Variants in BANK1 observed in about 807,000 individuals in gnomAD.
BANK1 encodes B-cell scaffold protein with ankyrin repeats.
BANK1 carries 95 observed loss-of-function variants against 94.5 expected under a neutral mutation model. That is an observed-to-expected ratio of 1.00 (90% CI 0.85 to 1.19). BANK1 has a LOEUF of 1.19. BANK1 is among the 50% of genes most tolerant of loss of function. The pLI is 0.00. For synonymous variants in BANK1, 334 were observed against 308.4 expected (o/e 1.08, Z -0.87); for missense variants, 987 against 932.2 (o/e 1.06, Z -0.77).
At chr4:102,062,865 A>G (rs1728464018) in intron 12 of BANK1, 5 of 509,348 alleles carry the variant, frequency 9.8e-6, no homozygotes, top group Non-Finnish European at 1.8e-5. Context: ...TATCTACAAC[A>G]TGGAATGACG....
chr4:101,834,075 G>A (rs1018037153), intron 2 of BANK1, among the ~76,000 whole-genome samples: 1 of 152,042 alleles, frequency 6.6e-6, no homozygotes, highest in African/African-American at 2.4e-5. Flanking sequence ...TGTTGTTTTG[G>A]CCACTTGAGC....
chr4:101,835,391 C>A (rs1726785374), intron 2 of BANK1, among the ~76,000 whole-genome samples: 1 of 152,202 alleles, frequency 6.6e-6, no homozygotes, highest in Non-Finnish European at 1.5e-5. Context: ...AACCCCTGAG[C>A]TACCCTTTAC....
At chr4:101,950,070 C>T (rs2002758) in intron 7 of BANK1, among the ~76,000 whole-genome samples, 51,142 of 150,448 alleles carry the variant, frequency 0.34, 9,831 homozygotes, top group Non-Finnish European at 0.43. Flanking sequence ...TGCGCGTGCG[C>T]GCGCATGTGC....
At chr4:101,875,898 A>T (rs564927372) in intron 5 of BANK1, among the ~76,000 whole-genome samples, 1 of 152,284 alleles carries the variant, frequency 6.6e-6, no homozygotes, top group African/African-American at 2.4e-5. Context: ...TTGGGGGCAC[A>T]CAACCCAGTG....
intron 1 of BANK1, among the ~76,000 whole-genome samples, chr4:101,815,949 C>T (rs145088913): frequency 4.3e-4 from 66 of 152,262 alleles, no homozygotes; most frequent in African/African-American, 1.4e-3. Context: ...TCCATGTATT[C>T]AAAATATCTA....
At chr4:101,817,563 G>T (rs1309030797) in intron 1 of BANK1, among the ~76,000 whole-genome samples, 2 of 152,126 alleles carry the variant, frequency 1.3e-5, no homozygotes, top group Non-Finnish European at 2.9e-5. Flanking sequence ...GGATCAGGAA[G>T]AATAACTAAT....
intron 7 of BANK1, among the ~76,000 whole-genome samples, chr4:101,943,356 C>T (rs911883016): frequency 6.6e-6 from 1 of 151,808 alleles, no homozygotes; most frequent in Admixed American, 6.6e-5. Flanking sequence ...GAACATCAAA[C>T]GCAAGAGATC....
At chr4:101,934,470 A>C (rs1723460727) in intron 7 of BANK1, among the ~76,000 whole-genome samples, 1 of 151,478 alleles carries the variant, frequency 6.6e-6, no homozygotes, top group Non-Finnish European at 1.5e-5. Flanking sequence ...AATAAAAGAA[A>C]ATTATGAGCA....
chr4:101,821,336 A>G (rs945086180), intron 1 of BANK1, among the ~76,000 whole-genome samples: 1 of 152,172 alleles, frequency 6.6e-6, no homozygotes, highest in African/African-American at 2.4e-5. Context: ...TAAGTTCCTT[A>G]TAGGTGCTCG....
chr4:102,049,174 T>C (rs1325315608), intron 11 of BANK1, among the ~76,000 whole-genome samples: 1 of 152,162 alleles, frequency 6.6e-6, no homozygotes, highest in Non-Finnish European at 1.5e-5. Context: ...TTCCAGTGAC[T>C]GGATTGCTTG....
At chr4:101,791,510 C>T (rs1724985738) in intron 1 of BANK1, among the ~76,000 whole-genome samples, 1 of 152,170 alleles carries the variant, frequency 6.6e-6, no homozygotes, top group Non-Finnish European at 1.5e-5. Flanking sequence ...AAACGGTCAA[C>T]TTGGTTGAAT....
At chr4:101,988,546 C>T (rs966403373) in intron 7 of BANK1, among the ~76,000 whole-genome samples, 4 of 152,104 alleles carry the variant, frequency 2.6e-5, no homozygotes, top group Admixed American at 2.6e-4. Context: ...TTTAGTACAA[C>T]TCTTCATTAA....
intron 7 of BANK1, among the ~76,000 whole-genome samples, chr4:101,920,497 A>G (rs570534262): frequency 6.6e-6 from 1 of 152,084 alleles, no homozygotes; most frequent in Non-Finnish European, 1.5e-5. Flanking sequence ...AAAAGCCTCT[A>G]TATCACTTCA....
chr4:101,794,305 AG>A (rs1725084328), intron 1 of BANK1, among the ~76,000 whole-genome samples: 1 of 152,174 alleles, frequency 6.6e-6, no homozygotes, highest in Admixed American at 6.5e-5. Flanking sequence ...CAAGAAGATG[AG>A]AATCTATTTT....
intron 6 of BANK1, among the ~76,000 whole-genome samples, chr4:101,910,041 C>A (rs761659656): frequency 6.6e-6 from 1 of 152,076 alleles, no homozygotes; most frequent in Non-Finnish European, 1.5e-5. Context: ...TCTTGTCTAT[C>A]CACTTTTTTT....
At chr4:101,918,238 T>C (rs71597115) in intron 7 of BANK1, 49 bp downstream of exon 7, 1 of 1,288,622 alleles carries the variant, frequency 7.8e-7, no homozygotes, top group Non-Finnish European at 1.0e-6. Context: ...TTTGATATTG[T>C]AGAAGAGACT....
intron 10 of BANK1, among the ~76,000 whole-genome samples, chr4:102,034,331 T>G (rs1727426345): frequency 6.6e-6 from 1 of 152,202 alleles, no homozygotes; most frequent in Admixed American, 6.5e-5. Context: ...GAAAGACTTG[T>G]GTCCAAATTT....
chr4:101,848,857 T>G (rs1433489291), intron 2 of BANK1, among the ~76,000 whole-genome samples: 2 of 152,202 alleles, frequency 1.3e-5, no homozygotes, highest in East Asian at 3.8e-4. Flanking sequence ...CTCTTCCTAG[T>G]CTCTCATTCC....
At chr4:101,968,357 G>A (rs58630066) in intron 7 of BANK1, among the ~76,000 whole-genome samples, 1 of 152,230 alleles carries the variant, frequency 6.6e-6, no homozygotes, top group Non-Finnish European at 1.5e-5. Context: ...CATATTCAAT[G>A]TAGGCATAGA....
Sources: allele counts gnomAD v4.1 joint callset (sites outside exome capture counted in the v4.1 genomes callset), GRCh38; gene constraint gnomAD v4.1.1; transcripts MANE v1.5; gene names NCBI Gene and HGNC (gene_info 2026-07-23, HGNC 2026-07-21).